The following SPIDR variants were observed in gnomAD, a reference collection of about 807,000 sequenced individuals.
The protein encoded by SPIDR is scaffold protein involved in DNA repair.
A neutral mutation model predicts 104.6 loss-of-function variants in SPIDR; 93 were observed. That is an observed-to-expected ratio of 0.89 (90% CI 0.75 to 1.06). The LOEUF is 1.06. SPIDR is among the 50% of genes least tolerant of loss of function. The pLI is 0.00. For missense variants in SPIDR, 1,154 were observed against 1,111.2 expected (o/e 1.04, Z -0.55); for synonymous variants, 431 against 416.9 (o/e 1.03, Z -0.41).
In SPIDR at chr8:47,591,445, T is replaced by G. The variant is rs1001297295; in HGVS notation, c.1098-4366T>G. ...CCCTCCCTATTTATTTATTTATTTA[T>G]TTATTTATTTATTTATCTTTTAGAA... On this transcript the variant is annotated intron_variant, in intron 8 of 19. Transcript: ENST00000297423. Among the ~76,000 whole-genome samples the G allele has an allele frequency of 2.6e-5, 4 of 151,336 alleles. No individual in the cohort carries two copies. In the East Asian group the frequency reaches 7.7e-4, roughly 29 times the overall value.
intron 8 of SPIDR, among the ~76,000 whole-genome samples, chr8:47,589,670 T>G (rs1239141687): frequency 6.6e-6 from 1 of 152,214 alleles, no homozygotes; most frequent in Admixed American, 6.5e-5. Flanking sequence ...TGAGAATGTA[T>G]GTAGACTTGT....
At chr8:47,271,258 A>T (rs2035260775) in intron 1 of SPIDR, among the ~76,000 whole-genome samples, 1 of 152,088 alleles carries the variant, frequency 6.6e-6, no homozygotes, top group Admixed American at 6.6e-5. Context: ...TGTTTCATTA[A>T]ATTGAGGAAG....
rs71548440 is a variant in SPIDR at position 47,588,026 on chromosome 8, CATATATATATATATATAT to C, written c.1098-7741_1098-7724del. Among the ~76,000 whole-genome samples, 197 of 23,390 alleles carry C rather than the reference CATATATATATATATATAT, an allele frequency of 8.4e-3. 2 individuals are homozygous for C. The highest frequency in any genetic ancestry group is 0.026 in the Middle Eastern group (1 of 38). 15.3% of individuals were successfully genotyped at this position (23,390 alleles called of 152,430 possible). A position where few individuals can be genotyped will look rare whatever the true frequency, so the allele number is the denominator to read the frequency against. ...CTTTCCTTGCAACTTTTAAAATTAG[CATATATATATATATATAT>C]ATATATATATATATATATATATATA... On this transcript the variant is annotated intron_variant, in intron 8 of 19. Transcript: ENST00000297423.
intron 10 of SPIDR, chr8:47,654,284 G>A: frequency 1.4e-6 from 1 of 731,986 alleles, no homozygotes; most frequent in Non-Finnish European, 2.0e-6. Context: ...GTAGGTGGCA[G>A]GAAGGGCCAC....
At chr8:47,589,949 C>T (rs937073335) in intron 8 of SPIDR, among the ~76,000 whole-genome samples, 1 of 152,048 alleles carries the variant, frequency 6.6e-6, no homozygotes, top group African/African-American at 2.4e-5. Flanking sequence ...GGGTGGATCA[C>T]CTGAGATCAG....
chr8:47,457,070 T>C (rs895303474), intron 8 of SPIDR, among the ~76,000 whole-genome samples: 1 of 152,208 alleles, frequency 6.6e-6, no homozygotes, highest in East Asian at 1.9e-4. Flanking sequence ...TAAACATGCA[T>C]GTGCCAGTAT....
chr8:47,536,924 C>A (rs1382742689), intron 8 of SPIDR, among the ~76,000 whole-genome samples: 2 of 152,150 alleles, frequency 1.3e-5, no homozygotes, highest in Non-Finnish European at 2.9e-5. Flanking sequence ...ACAGACAACT[C>A]ATTAAGGAGA....
chr8:47,523,880 T>C (rs1197147608), intron 8 of SPIDR, among the ~76,000 whole-genome samples: 1 of 152,216 alleles, frequency 6.6e-6, no homozygotes, highest in Non-Finnish European at 1.5e-5. Flanking sequence ...TTTTGAAGTC[T>C]TCCCACAGAA....
At chr8:47,543,284 C>G (rs1427885527) in intron 8 of SPIDR, among the ~76,000 whole-genome samples, 2 of 152,128 alleles carry the variant, frequency 1.3e-5, no homozygotes, top group East Asian at 3.8e-4. Context: ...TACATTGCCA[C>G]GAGTAATGTG....
At chr8:47,364,652 A>C (rs2056841483) in intron 5 of SPIDR, among the ~76,000 whole-genome samples, 1 of 152,152 alleles carries the variant, frequency 6.6e-6, no homozygotes, top group Non-Finnish European at 1.5e-5. Flanking sequence ...TTTCAGTTGC[A>C]GCAAATCTTA....
intron 10 of SPIDR, among the ~76,000 whole-genome samples, chr8:47,627,397 A>T (rs1301108593): frequency 2.0e-5 from 3 of 152,144 alleles, no homozygotes; most frequent in South Asian, 2.1e-4. Context: ...ATAATAATAA[A>T]AATTTAAAAA....
rs1000742289 is a variant in SPIDR, at chr8:47,719,284, G to A, written c.2341+5643G>A. 5.3e-5 allele frequency among the ~76,000 whole-genome samples: 8 copies of A among 152,212 alleles called. No homozygotes were observed. In the East Asian group the frequency reaches 7.7e-4, roughly 15 times the overall value. ...AGCACTTGGGGAGGCCGAGGCAGGC[G>A]GATCACGAGGTCAGGAGATCGAGAC... On this transcript the variant is annotated intron_variant, in intron 16 of 19. Coordinates refer to ENST00000297423, the MANE Select transcript of SPIDR (RefSeq NM_001080394.4).
At chr8:47,515,922 G>C (rs2083061272) in intron 8 of SPIDR, among the ~76,000 whole-genome samples, 1 of 152,176 alleles carries the variant, frequency 6.6e-6, no homozygotes, top group Admixed American at 6.5e-5. Flanking sequence ...CGATTCTCCT[G>C]CCTCAGCCTC....
intron 5 of SPIDR, among the ~76,000 whole-genome samples, chr8:47,317,787 A>G (rs1371697522): frequency 2.0e-5 from 3 of 152,112 alleles, no homozygotes; most frequent in African/African-American, 7.2e-5. Context: ...TTTCCTGCTC[A>G]CCGGTATCCG....
At chr8:47,531,886 T>TTA (rs2086068405) in intron 8 of SPIDR, among the ~76,000 whole-genome samples, 4 of 151,996 alleles carry the variant, frequency 2.6e-5, no homozygotes, top group Non-Finnish European at 5.9e-5. Context: ...AAAAATAGAA[T>TTA]CATATAAAAT....
chr8:47,634,339 C>T (rs555926319), intron 10 of SPIDR, among the ~76,000 whole-genome samples: 14 of 152,218 alleles, frequency 9.2e-5, no homozygotes, highest in African/African-American at 2.9e-4. Context: ...GTAATCCCAG[C>T]TACTCAGCAG....
At chr8:47,603,273 C>T (rs1284189655) in intron 10 of SPIDR, among the ~76,000 whole-genome samples, 4 of 152,078 alleles carry the variant, frequency 2.6e-5, no homozygotes, top group African/African-American at 9.7e-5. Context: ...GGTGCAGGTC[C>T]AGACCATATT....
intron 8 of SPIDR, among the ~76,000 whole-genome samples, chr8:47,458,539 G>A (rs530298932): frequency 2.4e-4 from 36 of 151,590 alleles, no homozygotes; most frequent in African/African-American, 8.0e-4. Flanking sequence ...GCTTTTCGGA[G>A]GAGTCTTTAG....
intron 5 of SPIDR, among the ~76,000 whole-genome samples, chr8:47,366,790 A>G (rs962889177): frequency 6.6e-6 from 1 of 152,206 alleles, no homozygotes; most frequent in Non-Finnish European, 1.5e-5. Flanking sequence ...AGGGTTGGAG[A>G]AATAGATTTG....
Sources: gnomAD v4.1 joint callset for allele counts (sites outside exome capture counted in the v4.1 genomes callset) on GRCh38, gnomAD v4.1.1 for gene constraint, MANE v1.5 for transcripts, NCBI Gene and HGNC (gene_info 2026-07-23, HGNC 2026-07-21) for gene names.